Variants in OSMR observed in about 807,000 individuals in gnomAD.
The protein encoded by OSMR is oncostatin-M-specific receptor subunit beta.
OSMR carries 81 observed loss-of-function variants against 99.9 expected under a neutral mutation model. That is an observed-to-expected ratio of 0.81 (90% CI 0.68 to 0.97). OSMR has a LOEUF of 0.97. Ranked by LOEUF, OSMR falls within the 50% of genes least tolerant of loss-of-function variation. OSMR has a pLI of 0.00. For missense variants in OSMR, 1,099 were observed against 1,153.4 expected (o/e 0.95, Z 0.68); for synonymous variants, 406 against 410.4 (o/e 0.99, Z 0.13).
At chr5:38,854,423 G>C (rs1740691935) in intron 1 of OSMR, among the ~76,000 whole-genome samples, 1 of 152,190 alleles carries the variant, frequency 6.6e-6, no homozygotes, top group Non-Finnish European at 1.5e-5. Flanking sequence ...ATATTTTTCT[G>C]AGGGATTTTC....
At chr5:38,919,886 A>G (rs1746143780) in intron 11 of OSMR, among the ~76,000 whole-genome samples, 1 of 152,238 alleles carries the variant, frequency 6.6e-6, no homozygotes, top group Non-Finnish European at 1.5e-5. Flanking sequence ...TGTTTTTAAA[A>G]GAACTACCCA....
intron 3 of OSMR, among the ~76,000 whole-genome samples, chr5:38,881,194 C>CG (rs745407340): frequency 1.5e-3 from 219 of 148,240 alleles, no homozygotes; most frequent in African/African-American, 4.2e-3. Flanking sequence ...AACAAACAAT[C>CG]TTTTTTTTTT....
chr5:38,855,205 G>A (rs768593643), intron 1 of OSMR, among the ~76,000 whole-genome samples: 4 of 152,150 alleles, frequency 2.6e-5, no homozygotes, highest in Non-Finnish European at 4.4e-5. Flanking sequence ...ACAGTAGAGG[G>A]TGTGGAGCAG....
intron 12 of OSMR, 131 bp downstream of exon 12, chr5:38,921,925 G>A (rs1375569157): frequency 1.3e-6 from 1 of 748,588 alleles, no homozygotes; most frequent in Non-Finnish European, 2.3e-6. Context: ...TCCAGCATGG[G>A]TGTTAGGAGT....
Position 38,943,037 on chromosome 5 carries a change from AT to A in OSMR, c.75-1163del, listed in dbSNP as rs776062712. 1.1e-4 allele frequency: 128 copies of A among 1,196,462 alleles called. 1 individual carries two copies. Among genetic ancestry groups the A allele is most frequent in the Non-Finnish European group, 1.5e-4 (122 of 817,182 alleles). The allele number at this position is 1,196,462 out of a possible 1,614,324, so 74.1% of individuals were successfully genotyped here. A position where few individuals can be genotyped will look rare whatever the true frequency, so the allele number is the denominator to read the frequency against. ...GATGTATCTATTTTTCCTCCAAGGTATCACTTACTTTAAAAATAGATTTCCC... is the reference window on the plus strand; with the variant it reads ...GATGTATCTATTTTTCCTCCAAGGTACACTTACTTTAAAAATAGATTTCCC... On this transcript the variant is annotated intron_variant and NMD_transcript_variant, in intron 1 of 2. Coordinates refer to the OSMR transcript ENST00000508882.
At chr5:38,875,684 T>G (rs971116912) in intron 2 of OSMR, among the ~76,000 whole-genome samples, 1 of 152,210 alleles carries the variant, frequency 6.6e-6, no homozygotes, top group African/African-American at 2.4e-5. Context: ...ATGTTGCTGG[T>G]CTCATCGAAA....
At chr5:38,921,484 TG>T in intron 11 of OSMR, 130 bp from the exon 12 acceptor site, 1 of 1,524,322 alleles carries the variant, frequency 6.6e-7, no homozygotes. Flanking sequence ...CCCAAGCACC[TG>T]TAACTATTGA....
downstream of OSMR, chr5:38,945,121 G>A: frequency 8.2e-7 from 1 of 1,219,448 alleles, no homozygotes; most frequent in Non-Finnish European, 1.2e-6. Context: ...CTTAATTCCT[G>A]TGCTTACATT....
chr5:38,876,662 A>G (rs963057929), intron 3 of OSMR, among the ~76,000 whole-genome samples: 2 of 152,226 alleles, frequency 1.3e-5, no homozygotes, highest in African/African-American at 4.8e-5. Context: ...ACTGAATTCC[A>G]GAGAGCCACG....
intron 1 of OSMR, among the ~76,000 whole-genome samples, chr5:38,851,443 A>G (rs772719684): frequency 2.6e-5 from 4 of 152,154 alleles, no homozygotes; most frequent in Non-Finnish European, 4.4e-5. Context: ...GAGTAACTGT[A>G]GGCACAGAGC....
chr5:38,928,383 A>AT (rs1561412590), intron 15 of OSMR, among the ~76,000 whole-genome samples: 4 of 152,192 alleles, frequency 2.6e-5, no homozygotes, highest in African/African-American at 9.7e-5. Flanking sequence ...TGGGTAATTT[A>AT]TAAAGGAAAC....
intron 15 of OSMR, among the ~76,000 whole-genome samples, chr5:38,929,240 G>C (rs980702128): frequency 3.9e-5 from 6 of 152,174 alleles, no homozygotes; most frequent in African/African-American, 1.4e-4. Context: ...TTGATGTAAT[G>C]TTGACATTGC....
At chr5:38,895,297 A>G (rs560418026) in intron 7 of OSMR, among the ~76,000 whole-genome samples, 2 of 152,140 alleles carry the variant, frequency 1.3e-5, no homozygotes, top group Admixed American at 6.5e-5. Flanking sequence ...CAAAGGCTCA[A>G]TGAAACCAAA....
chr5:38,938,393 T>A (rs1194617777), downstream of OSMR: 1 of 229,988 alleles, frequency 4.3e-6, no homozygotes, highest in African/African-American at 2.2e-5. Context: ...ACCTATAAAA[T>A]TTTTTTCACT....
At position 38,886,408 on chromosome 5, in the gene OSMR, C is replaced by T; in HGVS notation, c.991+218C>T. On this transcript the variant is annotated intron_variant, in intron 7 of 17. Coordinates refer to ENST00000274276, the MANE Select transcript of OSMR (RefSeq NM_003999.3). Reference sequence around the variant, plus strand: ...AATGTCACGAGCACCAATGAGCTTACTACCCAACTTCAAAACTAGGACTCT... The same window carrying T: ...AATGTCACGAGCACCAATGAGCTTATTACCCAACTTCAAAACTAGGACTCT... The T allele has an allele frequency of 2.3e-6, 3 of 1,310,584 alleles. No homozygotes were observed. In the South Asian group the frequency reaches 5.7e-5, roughly 25 times the overall value. The allele number at this position is 1,310,584 out of a possible 1,614,324, so 81.2% of individuals were successfully genotyped here.
rs1561364995 is a variant in OSMR, at chr5:38,883,922, A to T, written c.514A>T (p.Asn172Tyr). The change falls in exon 5 of 18, where the codon AAC (asparagine) becomes TAC (tyrosine). Residue 172 changes from asparagine to tyrosine, a missense_variant. Coordinates refer to ENST00000274276, the MANE Select transcript of OSMR (RefSeq NM_003999.3). ...TGTTACCATTTGTTACGTTTCTAGG[A>T]ACATTCAAAATAATGTATCCTGTTA... ...TNVTICYVSR[N>Y]IQNNVSCYLE... 1.9e-6 allele frequency: 3 copies of T among 1,613,962 alleles called. No homozygotes were observed. The Admixed American group carries it at 5.0e-5, about 27-fold the overall frequency.
intron 3 of OSMR, 43 bp from the exon 4 acceptor site, chr5:38,881,550 C>G: frequency 6.2e-7 from 1 of 1,613,834 alleles, no homozygotes; most frequent in Non-Finnish European, 8.5e-7. Context: ...TTTTATAGGA[C>G]AAGATGGCTA....
chr5:38,855,620 T>C (rs972641444), intron 1 of OSMR, among the ~76,000 whole-genome samples: 1 of 152,098 alleles, frequency 6.6e-6, no homozygotes, highest in Non-Finnish European at 1.5e-5. Flanking sequence ...ATTCCACCAC[T>C]GCTCACTGCT....
Position 38,919,190 on chromosome 5 carries a change from A to G in OSMR, c.1585+128A>G, listed in dbSNP as rs2278328. The stretch of plus-strand genomic sequence containing the variant: ...CAAAATGTCTAGTCACTAAACAGTC[A>G]TTTTCTTTTGGGCCAGGTGTGTCAA... On this transcript the variant is annotated intron_variant, in intron 11 of 17. Transcript: ENST00000274276. 6.6e-3 allele frequency: 10,247 copies of G among 1,542,926 alleles called. 1,012 individuals carry two copies. In the East Asian group the frequency reaches 0.21, roughly 32 times the overall value.
Sources: gnomAD v4.1 joint callset for allele counts (sites outside exome capture counted in the v4.1 genomes callset) on GRCh38, gnomAD v4.1.1 for gene constraint, MANE v1.5 for transcripts, NCBI Gene and HGNC (gene_info 2026-07-23, HGNC 2026-07-21) for gene names.